The following CBLC variants were observed in gnomAD, a reference collection of about 807,000 sequenced individuals.
CBLC encodes Cbl proto-oncogene C, also known as E3 ubiquitin-protein ligase CBL-C.
Under a neutral mutation model 58.6 loss-of-function variants are expected in CBLC, and 46 were observed. The ratio of observed to expected loss-of-function variants is 0.79; its 90% CI spans 0.62 to 1.00. The LOEUF (loss-of-function observed/expected upper bound fraction) is 1.00. Ranked by LOEUF, CBLC falls within the 50% of genes least tolerant of loss-of-function variation. The probability of loss-of-function intolerance (pLI) is 0.00; values close to 1 mark genes in which losing one functional copy is unlikely to be tolerated. For synonymous variants in CBLC, 271 were observed against 264.2 expected (o/e 1.03, Z -0.25); for missense variants, 655 against 625.8 (o/e 1.05, Z -0.50).
chr19:44,780,175 C>G (rs1306820891), intron 1 of CBLC, among the ~76,000 whole-genome samples: 1 of 151,656 alleles, frequency 6.6e-6, no homozygotes, highest in African/African-American at 2.4e-5. Flanking sequence ...CACTCTGTTG[C>G]CCAGGCTGGA....
chr19:44,788,678 T>A (rs1432073039), intron 5 of CBLC, among the ~76,000 whole-genome samples: 4 of 152,000 alleles, frequency 2.6e-5, no homozygotes, highest in African/African-American at 9.7e-5. Flanking sequence ...TATTTTGCTA[T>A]TTTTAGTAGA....
At chr19:44,785,028 A>G (rs965210429) in intron 5 of CBLC, among the ~76,000 whole-genome samples, 1 of 126,138 alleles carries the variant, frequency 7.9e-6, no homozygotes, top group East Asian at 2.3e-4. Flanking sequence ...CTGGAGTGCA[A>G]TGGCATGATC....
intron 5 of CBLC, among the ~76,000 whole-genome samples, chr19:44,784,905 A>G (rs1259684295): frequency 2.3e-5 from 3 of 131,704 alleles, no homozygotes; most frequent in Non-Finnish European, 4.7e-5. Flanking sequence ...TCTAGAATCT[A>G]GATTGATGGG....
At position 44,778,045 on chromosome 19, in the gene CBLC, C is replaced by T. The variant is rs558512943; in HGVS notation, c.114C>T (p.Ser38=). The T allele has an allele frequency of 2.6e-4, 418 of 1,609,248 alleles. 7 individuals are homozygous for T. In the South Asian group the frequency reaches 3.6e-3, roughly 14 times the overall value. Reference sequence around the variant, plus strand: ...AGCAATGCGTCGACCCCCGGCTGTCCGTGAGTCCCCCTTCGCTGCGGGACC... The same window carrying T: ...AGCAATGCGTCGACCCCCGGCTGTCTGTGAGTCCCCCTTCGCTGCGGGACC... ...LEEQCVDPRL[S]VSPPSLRDLL... The change falls in exon 1 of 11, where the codon TCC becomes TCT. Residue 38 remains serine, a synonymous_variant. Transcript: ENST00000647358.
rs1410322503 is a variant in CBLC, at chr19:44,794,335, G to C, written c.1362+54G>C. 3.2e-6 allele frequency: 5 copies of C among 1,568,582 alleles called. No individual in the cohort carries two copies. In the Admixed American group the frequency reaches 8.4e-5, roughly 26 times the overall value. On this transcript the variant is annotated intron_variant, in intron 9 of 10. Transcript: ENST00000647358. ...GGCTGGGGTCTCACTCACCTCCAGGGTCCCTGGTTCACCTGTGCACTCAGG... is the reference window on the plus strand; with the variant it reads ...GGCTGGGGTCTCACTCACCTCCAGGCTCCCTGGTTCACCTGTGCACTCAGG...
chr19:44,781,212 T>C lies in CBLC; in HGVS notation c.506T>C (p.Val169Ala), dbSNP rs1423933513. The C allele has an allele frequency of 6.2e-7, 1 of 1,611,594 alleles. No individual in the cohort carries two copies. The highest frequency in any genetic ancestry group is 2.2e-5 in the East Asian group (1 of 44,880). Residue 169 changes from valine (V) to alanine (A), a missense_variant, in exon 3 of 11, where the codon GTG becomes GCG. By Grantham distance (64) the Val-to-Ala change is moderately conservative. Around this residue, in one of 3 missense-constraint regions of CBLC, gnomAD observed 280 missense variants for 237.2 expected, o/e 1.18. Coordinates refer to ENST00000647358, the MANE Select transcript of CBLC (RefSeq NM_012116.4). ...CCCACCCCTCTCCCACCCAGGTGTG[T>C]GCTGCCCTGGGCTGAGTTTGAGTCC... ...FWRESCGARC[V>A]LPWAEFESLL...
In CBLC at chr19:44,800,567, G is replaced by A. The variant is rs1407242922; in HGVS notation, c.*24G>A. Reference sequence around the variant, plus strand: ...CGCCTACAGGGCACCCAGATGTGCTGCTCAAGGGAGCCCCAAGGGCTGGAA... The same window carrying A: ...CGCCTACAGGGCACCCAGATGTGCTACTCAAGGGAGCCCCAAGGGCTGGAA... On this transcript the variant is annotated 3_prime_UTR_variant, in exon 11 of 11. Transcript: ENST00000647358. 3.2e-6 allele frequency: 2 copies of A among 625,334 alleles called. No individual in the cohort carries two copies. Among genetic ancestry groups the A allele is most frequent in the Non-Finnish European group, 5.6e-6 (2 of 354,214 alleles). The allele number at this position is 625,334 out of a possible 1,614,324, so 38.7% of individuals were successfully genotyped here.
At chr19:44,798,449 C>T (rs1448393273) in intron 9 of CBLC, among the ~76,000 whole-genome samples, 2 of 152,058 alleles carry the variant, frequency 1.3e-5, no homozygotes, top group African/African-American at 2.4e-5. Flanking sequence ...GTGGCTCACA[C>T]GTGTAATCTC....
intron 7 of CBLC, among the ~76,000 whole-genome samples, chr19:44,792,754 C>T (rs1157524529): frequency 1.3e-5 from 2 of 152,186 alleles, no homozygotes; most frequent in Admixed American, 1.3e-4. Context: ...GAAAGCTCTC[C>T]TTCCTTCTCT....
At chr19:44,791,009 G>T (rs1246888009) in intron 6 of CBLC, among the ~76,000 whole-genome samples, 7 of 151,898 alleles carry the variant, frequency 4.6e-5, no homozygotes, top group African/African-American at 1.7e-4. Flanking sequence ...AGGCACTTGA[G>T]TTGGGAGGCT....
At chr19:44,796,614 A>G (rs1267284639) in intron 9 of CBLC, among the ~76,000 whole-genome samples, 1 of 151,914 alleles carries the variant, frequency 6.6e-6, no homozygotes, top group Non-Finnish European at 1.5e-5. Context: ...CGAACTCCCA[A>G]CCTCAGGTGA....
At chr19:44,780,682 A>G (rs1197289630) in intron 1 of CBLC, among the ~76,000 whole-genome samples, 1 of 151,668 alleles carries the variant, frequency 6.6e-6, no homozygotes, top group Non-Finnish European at 1.5e-5. Flanking sequence ...CATGTTGGCC[A>G]GGTTGGTCCC....
intron 5 of CBLC, among the ~76,000 whole-genome samples, chr19:44,784,979 T>G (rs1967858930): frequency 8.0e-6 from 1 of 125,176 alleles, no homozygotes; most frequent in Non-Finnish European, 1.7e-5. Flanking sequence ...TTTTTTTTTT[T>G]TTTTTTTTTT....
rs1011854229 is a variant in CBLC at position 44,782,622 on chromosome 19, T to C, written c.779+131T>C. The C allele has an allele frequency of 1.6e-5, 11 of 703,514 alleles. No individual in the cohort carries two copies. The East Asian group carries it at 1.9e-4, about 12-fold the overall frequency. The allele number at this position is 703,514 out of a possible 1,614,324, so 43.6% of individuals were successfully genotyped here. A position where few individuals can be genotyped will look rare whatever the true frequency, so the allele number is the denominator to read the frequency against. On this transcript the variant is annotated intron_variant, in intron 4 of 10. Coordinates refer to ENST00000647358, the MANE Select transcript of CBLC (RefSeq NM_012116.4). ...GGTACCCAGGACCCCAGAGAGTTGA[T>C]AACTCAGAGGCAGGACACTGAGTGC...
At chr19:44,780,316 A>G (rs2122385089) in intron 1 of CBLC, among the ~76,000 whole-genome samples, 1 of 150,906 alleles carries the variant, frequency 6.6e-6, no homozygotes, top group East Asian at 2.0e-4. Flanking sequence ...TATAGTTTTT[A>G]TTAGAGACAG....
intron 4 of CBLC, among the ~76,000 whole-genome samples, chr19:44,783,113 G>A (rs148009743): frequency 8.5e-5 from 13 of 152,304 alleles, no homozygotes; most frequent in African/African-American, 3.1e-4. Context: ...GCTCACACCT[G>A]TAATCCCAGT....
At chr19:44,797,233 G>A (rs1348756572) in intron 9 of CBLC, among the ~76,000 whole-genome samples, 1 of 152,028 alleles carries the variant, frequency 6.6e-6, no homozygotes, top group Non-Finnish European at 1.5e-5. Context: ...TCTCAGCAAG[G>A]CACTGTCATA....
rs770497669 is a variant in CBLC, at chr19:44,784,252, C to G, written c.780-12C>G. The G allele has an allele frequency of 5.1e-6, 8 of 1,562,262 alleles. No individual in the cohort carries two copies. The South Asian group carries it at 8.0e-5, about 16-fold the overall frequency. ...CACTCCCTCACCCCATCCTACCTAC[C>G]TCTCCCTCCAGTTACATCTTCCGGC... On this transcript the variant is annotated splice_polypyrimidine_tract_variant and intron_variant, in intron 4 of 10. Transcript: ENST00000647358.
intron 6 of CBLC, 152 bp downstream of exon 6, chr19:44,790,243 C>T (rs775047269): frequency 4.1e-5 from 26 of 633,046 alleles, no homozygotes; most frequent in South Asian, 1.3e-4. Flanking sequence ...GTTATTCTTC[C>T]GGAAAATACG....
Sources: gnomAD v4.1 joint callset for allele counts (sites outside exome capture counted in the v4.1 genomes callset) on GRCh38, gnomAD v4.1.1 for gene constraint, gnomAD v4.1.1 regional missense constraint, MANE v1.5 for transcripts, NCBI Gene and HGNC (gene_info 2026-07-23, HGNC 2026-07-21) for gene names.